ARHGAP26: variants seen among roughly 807,000 people sequenced by gnomAD.
The protein encoded by ARHGAP26 is rho GTPase-activating protein 26.
Under a neutral mutation model 104.8 loss-of-function variants are expected in ARHGAP26, and 38 were observed. The ratio of observed to expected loss-of-function variants is 0.36; its 90% CI spans 0.28 to 0.48. ARHGAP26 has a LOEUF of 0.48. ARHGAP26 is among the 20% of genes least tolerant of loss of function. The pLI is 0.99. For missense variants in ARHGAP26, 704 were observed against 947.9 expected, an observed-to-expected ratio of 0.74 and a Z score of 3.38; for synonymous variants, 341 against 340.0, an observed-to-expected ratio of 1.00 and a Z score of -0.03.
At chr5:142,873,536 T>C (rs1755641665) in intron 2 of ARHGAP26, 41 bp downstream of exon 2, 1 of 1,376,458 alleles carries the variant, frequency 7.3e-7, no homozygotes, top group African/African-American at 1.5e-5. Context: ...GTTCATTGTT[T>C]GTCATAGCCT....
intron 18 of ARHGAP26, among the ~76,000 whole-genome samples, chr5:143,122,003 C>T (rs1437117660): frequency 1.3e-5 from 2 of 152,206 alleles, no homozygotes; most frequent in African/African-American, 2.4e-5. Flanking sequence ...TGCCTCACCA[C>T]GTACACTGAT....
At chr5:143,021,025 T>A (rs948383879) in intron 12 of ARHGAP26, among the ~76,000 whole-genome samples, 4 of 152,186 alleles carry the variant, frequency 2.6e-5, no homozygotes, top group African/African-American at 9.7e-5. Flanking sequence ...TCATTCACAC[T>A]GGGAGGTGGG....
chr5:142,948,063 T>C (rs1057250507), intron 11 of ARHGAP26, among the ~76,000 whole-genome samples: 1 of 152,118 alleles, frequency 6.6e-6, no homozygotes, highest in African/African-American at 2.4e-5. Context: ...AATGAATGGA[T>C]TTAAAAAAGA....
intron 21 of ARHGAP26, among the ~76,000 whole-genome samples, chr5:143,212,065 T>C (rs955811739): frequency 1.3e-5 from 2 of 152,154 alleles, no homozygotes; most frequent in African/African-American, 4.8e-5. Context: ...ATAATGTTTG[T>C]GAAAATCCAG....
chr5:143,141,977 C>T (rs1798591538), intron 19 of ARHGAP26, among the ~76,000 whole-genome samples: 1 of 152,094 alleles, frequency 6.6e-6, no homozygotes, highest in African/African-American at 2.4e-5. Context: ...CATTTTTTCC[C>T]TTTGCAAAGA....
At chr5:142,843,825 CTG>C (rs890588751) in intron 1 of ARHGAP26, among the ~76,000 whole-genome samples, 3 of 152,126 alleles carry the variant, frequency 2.0e-5, no homozygotes, top group African/African-American at 7.2e-5. Flanking sequence ...GAAGGTGACA[CTG>C]TGATATGGTG....
At chr5:143,146,117 T>C (rs545110913) in intron 19 of ARHGAP26, among the ~76,000 whole-genome samples, 6 of 152,310 alleles carry the variant, frequency 3.9e-5, no homozygotes, top group African/African-American at 1.4e-4. Context: ...AGTGAATTAA[T>C]TTTCAGAAAT....
chr5:143,002,062 C>A (rs2152787208), intron 11 of ARHGAP26, among the ~76,000 whole-genome samples: 2 of 152,286 alleles, frequency 1.3e-5, no homozygotes, highest in Middle Eastern at 3.4e-3. Context: ...TGAAGGCGAT[C>A]ATGAACGTGC....
chr5:143,220,426 C>T (rs993826846), intron 22 of ARHGAP26, among the ~76,000 whole-genome samples: 1 of 152,196 alleles, frequency 6.6e-6, no homozygotes, highest in Admixed American at 6.5e-5. Flanking sequence ...AGTGCTTTAT[C>T]CACACCAGCT....
intron 14 of ARHGAP26, among the ~76,000 whole-genome samples, chr5:143,050,402 ATGAAGGTATTATACAGCAGTGC>A: frequency 6.6e-6 from 1 of 152,088 alleles, no homozygotes; most frequent in South Asian, 2.1e-4. Flanking sequence ...AGAGAACACA[ATGAAGGTATTATACAGCAGTGC>A]TGTAAAGCAC....
intron 9 of ARHGAP26, among the ~76,000 whole-genome samples, chr5:142,911,704 A>G (rs973219939): frequency 2.6e-5 from 4 of 152,136 alleles, no homozygotes; most frequent in African/African-American, 9.7e-5. Context: ...ATATATCCCT[A>G]TTCCCTCCCA....
chr5:143,081,039 G>A (rs1789734319), intron 17 of ARHGAP26, among the ~76,000 whole-genome samples: 1 of 151,802 alleles, frequency 6.6e-6, no homozygotes, highest in Non-Finnish European at 1.5e-5. Context: ...ATGACTCCTG[G>A]GTTTTTGGCC....
intron 12 of ARHGAP26, among the ~76,000 whole-genome samples, chr5:143,022,324 C>T (rs929181859): frequency 6.6e-5 from 10 of 152,208 alleles, no homozygotes; most frequent in African/African-American, 4.8e-5. Context: ...CCGCCTGCCT[C>T]GGCCTCCCAA....
At chr5:143,102,166 A>G (rs1793345985) in intron 17 of ARHGAP26, among the ~76,000 whole-genome samples, 1 of 152,176 alleles carries the variant, frequency 6.6e-6, no homozygotes, top group Non-Finnish European at 1.5e-5. Context: ...TACATCTCAC[A>G]GAGAACCCGT....
At chr5:142,824,930 A>G (rs1766935386) in intron 1 of ARHGAP26, among the ~76,000 whole-genome samples, 1 of 152,234 alleles carries the variant, frequency 6.6e-6, no homozygotes, top group South Asian at 2.1e-4. Context: ...TACTACAGGC[A>G]GAGAAGGGAG....
At chr5:143,003,213 G>C (rs1777434439) in intron 11 of ARHGAP26, among the ~76,000 whole-genome samples, 1 of 152,170 alleles carries the variant, frequency 6.6e-6, no homozygotes, top group African/African-American at 2.4e-5. Flanking sequence ...CTGGTTATTG[G>C]GGTGTGACCT....
At chr5:142,948,141 A>G (rs866096260) in intron 11 of ARHGAP26, among the ~76,000 whole-genome samples, 10 of 152,216 alleles carry the variant, frequency 6.6e-5, no homozygotes, top group Middle Eastern at 3.4e-3. Context: ...TGGCACTTTC[A>G]AGCGATTCAG....
intron 1 of ARHGAP26, among the ~76,000 whole-genome samples, chr5:142,831,180 T>G (rs1768351438): frequency 6.6e-6 from 1 of 152,162 alleles, no homozygotes; most frequent in Admixed American, 6.5e-5. Flanking sequence ...GTTGGTTCTC[T>G]CAGGGATTCC....
chr5:142,804,823 C>G (rs1451802947), intron 1 of ARHGAP26, among the ~76,000 whole-genome samples: 1 of 151,844 alleles, frequency 6.6e-6, no homozygotes, highest in East Asian at 1.9e-4. Flanking sequence ...ACTTTTTATT[C>G]AGAAAAATTT....
Sources: allele counts gnomAD v4.1 joint callset (sites outside exome capture counted in the v4.1 genomes callset), GRCh38; gene constraint gnomAD v4.1.1; transcripts MANE v1.5; gene names NCBI Gene and HGNC (gene_info 2026-07-23, HGNC 2026-07-21).